Variants in TMEM132B observed in about 807,000 individuals in gnomAD.
The protein encoded by TMEM132B is transmembrane protein 132B.
Under a neutral mutation model 90.8 loss-of-function variants are expected in TMEM132B, and 18 were observed. The ratio of observed to expected loss-of-function variants is 0.20; its 90% confidence interval spans 0.14 to 0.29. The LOEUF is 0.29. TMEM132B is among the 10% of genes least tolerant of loss of function. TMEM132B has a pLI of 1.00. For synonymous variants in TMEM132B, 504 were observed against 523.3 expected (o/e 0.96, Z 0.50); for missense variants, 1,096 against 1,326.8 (o/e 0.83, Z 2.70).
At chr12:125,409,763 T>G (rs1593128876) in intron 2 of TMEM132B, among the ~76,000 whole-genome samples, 1 of 14,230 alleles carries the variant, frequency 7.0e-5, no homozygotes, top group Non-Finnish European at 1.2e-4. Context: ...TGGAGTGGAG[T>G]GAGTGAGTGG....
rs914078062 is a variant in TMEM132B at position 125,406,168 on chromosome 12, C to T, written c.960-9363C>T. Reference sequence around the variant, plus strand: ...TGAATTTCCAGTAGACTGTGAGTACCTTTTACTGTCCAAACAGGAATCTTC... The same window carrying T: ...TGAATTTCCAGTAGACTGTGAGTACTTTTTACTGTCCAAACAGGAATCTTC... On this transcript the variant is annotated intron_variant, in intron 2 of 8. Coordinates refer to ENST00000682704, the MANE Select transcript of TMEM132B (RefSeq NM_001366854.1). This position sits in a 1 kb window ranked among gnomAD's most constrained non-coding sequence, Gnocchi z 8.3. Among the ~76,000 whole-genome samples the T allele has an allele frequency of 6.6e-6, 1 of 152,144 alleles. No individual in the cohort carries two copies. The highest frequency in any genetic ancestry group is 2.4e-5 in the African/African-American group (1 of 41,420).
rs985919874 is a variant in TMEM132B, at chr12:125,186,401, C to G, written c.-399C>G. Among the ~76,000 whole-genome samples, 1 of 147,220 alleles carries G rather than the reference C, an allele frequency of 6.8e-6. No individual in the cohort carries two copies. Among genetic ancestry groups the G allele is most frequent in the Non-Finnish European group, 1.5e-5 (1 of 66,194 alleles). On this transcript the variant is annotated 5_prime_UTR_variant, in exon 1 of 9. Transcript: ENST00000682704. This position sits in a 1 kb window ranked among gnomAD's most constrained non-coding sequence, Gnocchi z 6.3. ...TCGCTCGCTCACTCTCTCGCTGGCT[C>G]GAGGGGCGGCCGGCAGATGGCGATG... is the stretch of plus-strand genomic sequence containing the variant.
At chr12:125,217,107 C>T (rs572627330) in intron 1 of TMEM132B, among the ~76,000 whole-genome samples, 3 of 152,304 alleles carry the variant, frequency 2.0e-5, no homozygotes, top group Admixed American at 6.5e-5. Flanking sequence ...TAGCAACATA[C>T]GATGCTTGTG....
chr12:125,617,955 A>G (rs1593025093), intron 5 of TMEM132B, among the ~76,000 whole-genome samples: 1 of 35,174 alleles, frequency 2.8e-5, no homozygotes, highest in African/African-American at 4.4e-4. Context: ...GCTTACTACA[A>G]AAAAAAAAAA....
At chr12:125,554,764 T>C (rs1289665242) in intron 4 of TMEM132B, among the ~76,000 whole-genome samples, 1 of 152,196 alleles carries the variant, frequency 6.6e-6, no homozygotes, top group Non-Finnish European at 1.5e-5. Context: ...GTGCCCTGAA[T>C]GGTGGGAGTG....
At chr12:125,361,107 C>T (rs1877943047) in intron 2 of TMEM132B, among the ~76,000 whole-genome samples, 1 of 152,084 alleles carries the variant, frequency 6.6e-6, no homozygotes, top group Non-Finnish European at 1.5e-5. Context: ...TGGAAGCTGC[C>T]TCAAAGACAC....
chr12:125,411,559 T>C (rs1879840074), intron 2 of TMEM132B, among the ~76,000 whole-genome samples: 1 of 152,074 alleles, frequency 6.6e-6, no homozygotes, highest in South Asian at 2.1e-4. Flanking sequence ...AGATGCCCAG[T>C]TGGCCAAACC....
At chr12:125,475,873 A>G (rs1257799482) in intron 3 of TMEM132B, among the ~76,000 whole-genome samples, 2 of 152,246 alleles carry the variant, frequency 1.3e-5, no homozygotes, top group African/African-American at 2.4e-5. Flanking sequence ...TCTCTAGACC[A>G]TTATGGAATC....
intron 4 of TMEM132B, among the ~76,000 whole-genome samples, chr12:125,526,088 CAG>C (rs1883449944): frequency 6.6e-6 from 1 of 152,212 alleles, no homozygotes; most frequent in African/African-American, 2.4e-5. Context: ...AGAGCAGAGA[CAG>C]GGTGGGAGGC....
chr12:125,430,333 A>G (rs1279916018), intron 3 of TMEM132B, among the ~76,000 whole-genome samples: 1 of 152,186 alleles, frequency 6.6e-6, no homozygotes, highest in Non-Finnish European at 1.5e-5. Flanking sequence ...ATTTCACGGT[A>G]GCTCATGTAG....
At chr12:125,379,956 C>G (rs569320337) in intron 2 of TMEM132B, among the ~76,000 whole-genome samples, 2 of 151,736 alleles carry the variant, frequency 1.3e-5, no homozygotes, top group African/African-American at 4.8e-5. Flanking sequence ...TATTTTGCTC[C>G]TGTCTCTCTG....
chr12:125,256,305 G>T (rs1217434616), intron 1 of TMEM132B, among the ~76,000 whole-genome samples: 1 of 152,216 alleles, frequency 6.6e-6, no homozygotes, highest in African/African-American at 2.4e-5. Context: ...CTCGCTGAGG[G>T]CAACTTAAGA....
chr12:125,285,685 C>T (rs112477549), intron 1 of TMEM132B, among the ~76,000 whole-genome samples: 2 of 152,190 alleles, frequency 1.3e-5, no homozygotes, highest in African/African-American at 4.8e-5. Flanking sequence ...GGGCTGCTCC[C>T]AGGTCTCCTA....
chr12:125,570,020 G>T (rs1475535228), intron 4 of TMEM132B, among the ~76,000 whole-genome samples: 1 of 151,952 alleles, frequency 6.6e-6, no homozygotes, highest in Non-Finnish European at 1.5e-5. Flanking sequence ...TGTTGGGGGG[G>T]AAGGGAAGGA....
intron 3 of TMEM132B, among the ~76,000 whole-genome samples, chr12:125,457,818 C>T (rs1881332797): frequency 6.6e-6 from 1 of 152,082 alleles, no homozygotes. Flanking sequence ...CACAGGTGTA[C>T]CCGTCTAGGT....
chr12:125,604,363 A>T (rs1566086983), intron 5 of TMEM132B, among the ~76,000 whole-genome samples: 1 of 151,118 alleles, frequency 6.6e-6, no homozygotes, highest in African/African-American at 2.4e-5. Context: ...ACCAAACACC[A>T]CATGTTTTCA....
chr12:125,328,439 C>T (rs172869), intron 1 of TMEM132B, among the ~76,000 whole-genome samples: 3,693 of 152,272 alleles, frequency 0.024, 166 homozygotes, highest in African/African-American at 0.084. Flanking sequence ...ATCCATCATA[C>T]GTTTATTCTC....
At chr12:125,448,494 A>C (rs7980672) in intron 3 of TMEM132B, among the ~76,000 whole-genome samples, 83,805 of 151,988 alleles carry the variant, frequency 0.55, 24,546 homozygotes, top group African/African-American at 0.76. Flanking sequence ...TTTTGCTCAG[A>C]AGAATGCTTT....
intron 1 of TMEM132B, among the ~76,000 whole-genome samples, chr12:125,320,308 G>A (rs1293168494): frequency 1.3e-5 from 2 of 152,218 alleles, no homozygotes; most frequent in African/African-American, 2.4e-5. Context: ...TTATTCTGTT[G>A]GAGCTAATTG....
Sources: allele counts gnomAD v4.1 joint callset (sites outside exome capture counted in the v4.1 genomes callset), GRCh38; gene constraint gnomAD v4.1.1; non-coding constraint Gnocchi (gnomAD v3.1); transcripts MANE v1.5; gene names NCBI Gene and HGNC (gene_info 2026-07-23, HGNC 2026-07-21).